The following CCBE1 variants were observed in gnomAD, a reference collection of about 807,000 sequenced individuals.
The protein encoded by CCBE1 is collagen and calcium-binding EGF domain-containing protein 1.
CCBE1 carries 37 observed loss-of-function variants against 50.0 expected under a neutral mutation model. The observed-to-expected ratio is 0.74, with a 90% CI of 0.57 to 0.97. The LOEUF is 0.97. Ranked by LOEUF, CCBE1 falls within the 50% of genes least tolerant of loss-of-function variation. The pLI is 0.00. For synonymous variants in CCBE1, 234 were observed against 203.7 expected (o/e 1.15, Z -1.27); for missense variants, 538 against 523.8 (o/e 1.03, Z -0.26).
chr18:59,674,349 C>A (rs2054470973), intron 2 of CCBE1, among the ~76,000 whole-genome samples: 1 of 152,118 alleles, frequency 6.6e-6, no homozygotes, highest in African/African-American at 2.4e-5. Flanking sequence ...GGAAACCATT[C>A]TCAGCAAACT....
In CCBE1 at chr18:59,455,290, T is replaced by G. The variant is rs146603931; in HGVS notation, c.554-339A>C. The G allele has an allele frequency of 2.2e-3, 877 of 397,748 alleles. 3 individuals carry two copies. The highest frequency in any genetic ancestry group is 4.2e-3 in the South Asian group (203 of 47,898). 24.6% of individuals were successfully genotyped at this position (397,748 alleles called of 1,614,324 possible). ...GAAGGCAGGCTCTATAAATCTGACA[T>G]GATTTATACTCCCCTTAAAGGGCTA... On this transcript the variant is annotated intron_variant, in intron 5 of 10. Coordinates refer to ENST00000439986, the MANE Select transcript of CCBE1 (RefSeq NM_133459.4).
chr18:59,685,081 G>C (rs970078873), intron 2 of CCBE1, among the ~76,000 whole-genome samples: 1 of 152,128 alleles, frequency 6.6e-6, no homozygotes, highest in Admixed American at 6.5e-5. Flanking sequence ...ATAATATACT[G>C]AGCCATGTTT....
At chr18:59,631,326 G>A (rs1008844338) in intron 2 of CCBE1, among the ~76,000 whole-genome samples, 3 of 152,140 alleles carry the variant, frequency 2.0e-5, no homozygotes, top group African/African-American at 7.2e-5. Flanking sequence ...GCTGCCTGAA[G>A]CCAGCCTATC....
chr18:59,675,349 A>G (rs998978315), intron 2 of CCBE1, among the ~76,000 whole-genome samples: 1 of 152,212 alleles, frequency 6.6e-6, no homozygotes, highest in Non-Finnish European at 1.5e-5. Flanking sequence ...TATTGGTATG[A>G]TTGGTATGGT....
At chr18:59,583,676 TGTGTGCGC>T (rs202222572) in intron 2 of CCBE1, among the ~76,000 whole-genome samples, 12,330 of 68,662 alleles carry the variant, frequency 0.18, 768 homozygotes, top group East Asian at 0.51. Context: ...TGTGTGTGTG[TGTGTGCGC>T]GCGCGCGCGC....
intron 3 of CCBE1, among the ~76,000 whole-genome samples, chr18:59,478,302 T>C (rs1912407328): frequency 6.6e-6 from 1 of 152,206 alleles, no homozygotes. Context: ...GAAATCAAAA[T>C]TGGTTCTATT....
intron 2 of CCBE1, among the ~76,000 whole-genome samples, chr18:59,641,133 AC>A (rs1396265796): frequency 3.9e-5 from 6 of 152,202 alleles, no homozygotes; most frequent in Admixed American, 1.3e-4. Context: ...AAATAAAAAA[AC>A]ATTCTACCAT....
chr18:59,655,906 A>G (rs1599106679), intron 2 of CCBE1, among the ~76,000 whole-genome samples: 1 of 152,214 alleles, frequency 6.6e-6, no homozygotes, highest in South Asian at 2.1e-4. Context: ...AGCAGACAGA[A>G]CACCACATTC....
intron 2 of CCBE1, among the ~76,000 whole-genome samples, chr18:59,545,774 G>C (rs976620207): frequency 3.9e-5 from 6 of 152,130 alleles, no homozygotes; most frequent in Non-Finnish European, 8.8e-5. Context: ...GAGATCTGAC[G>C]GTTTTATCAG....
chr18:59,444,898 G>T (rs1910604193), intron 7 of CCBE1, among the ~76,000 whole-genome samples: 1 of 151,756 alleles, frequency 6.6e-6, no homozygotes, highest in African/African-American at 2.4e-5. Context: ...TTTTAATCAG[G>T]TGCTTTTTTG....
At chr18:59,441,709 T>C (rs928337632) in intron 7 of CCBE1, among the ~76,000 whole-genome samples, 2 of 151,938 alleles carry the variant, frequency 1.3e-5, no homozygotes, top group African/African-American at 4.8e-5. Flanking sequence ...AAATGAAAAA[T>C]ATAATATCAT....
intron 2 of CCBE1, among the ~76,000 whole-genome samples, chr18:59,621,533 G>T (rs2053710139): frequency 6.6e-6 from 1 of 152,212 alleles, no homozygotes; most frequent in South Asian, 2.1e-4. Flanking sequence ...GCTACAACTT[G>T]CCATGCATCT....
intron 2 of CCBE1, among the ~76,000 whole-genome samples, chr18:59,680,392 T>C (rs2054571320): frequency 6.6e-6 from 1 of 151,892 alleles, no homozygotes; most frequent in Non-Finnish European, 1.5e-5. Context: ...TATTTTCCTT[T>C]GACAACGCAT....
intron 2 of CCBE1, among the ~76,000 whole-genome samples, chr18:59,537,739 T>C (rs560987956): frequency 1.8e-4 from 28 of 152,314 alleles, no homozygotes; most frequent in African/African-American, 6.7e-4. Flanking sequence ...CAAAAGGAAT[T>C]TGGTGACTCC....
At chr18:59,518,891 G>A (rs1424324306) in intron 2 of CCBE1, among the ~76,000 whole-genome samples, 1 of 152,160 alleles carries the variant, frequency 6.6e-6, no homozygotes, top group East Asian at 1.9e-4. Flanking sequence ...CTGAACCAAT[G>A]ACTGACAGCT....
At chr18:59,451,620 G>A (rs1910937702) in intron 6 of CCBE1, among the ~76,000 whole-genome samples, 1 of 151,988 alleles carries the variant, frequency 6.6e-6, no homozygotes, top group Admixed American at 6.6e-5. Context: ...AGGCACTGAG[G>A]TCTATACACC....
chr18:59,617,705 C>G (rs937458736), intron 2 of CCBE1, among the ~76,000 whole-genome samples: 2 of 152,190 alleles, frequency 1.3e-5, no homozygotes, highest in Admixed American at 6.5e-5. Flanking sequence ...CCACACAGCC[C>G]TTTAGATTGT....
rs1286741970 is a variant in CCBE1 at position 59,582,833 on chromosome 18, T to C, written c.213-102595A>G. Among the ~76,000 whole-genome samples, 2 of 152,192 alleles carry C rather than the reference T, an allele frequency of 1.3e-5. 1 individual carries two copies. Among genetic ancestry groups the C allele is most frequent in the Admixed American group, 1.3e-4 (2 of 15,270 alleles). ...CGGAGACATGGTAACTTTTTCTTCC[T>C]TAAGGCAGGTTGTCTGTCACCCAGG... is the stretch of plus-strand genomic sequence containing the variant. On this transcript the variant is annotated intron_variant, in intron 2 of 10. Coordinates refer to ENST00000439986, the MANE Select transcript of CCBE1 (RefSeq NM_133459.4).
intron 2 of CCBE1, among the ~76,000 whole-genome samples, chr18:59,547,235 A>C (rs1915740742): frequency 1.3e-5 from 2 of 152,164 alleles, no homozygotes; most frequent in African/African-American, 4.8e-5. Context: ...CGGGCAGATC[A>C]CCTGAGGTCA....
Sources: allele counts gnomAD v4.1 joint callset (sites outside exome capture counted in the v4.1 genomes callset), GRCh38; gene constraint gnomAD v4.1.1; transcripts MANE v1.5; gene names NCBI Gene and HGNC (gene_info 2026-07-23, HGNC 2026-07-21).